MICU1: variants seen among roughly 807,000 people sequenced by gnomAD.
MICU1 encodes mitochondrial calcium uptake 1.
In MICU1, 45 loss-of-function variants were observed where a neutral mutation model predicts 56.8. The observed-to-expected ratio is 0.79, with a 90% confidence interval of 0.62 to 1.02. MICU1 has a LOEUF of 1.02. MICU1 is among the 50% of genes least tolerant of loss of function. The pLI is 0.00. For synonymous variants in MICU1, 186 were observed against 195.1 expected (o/e 0.95, Z 0.39); for missense variants, 504 against 587.1 (o/e 0.86, Z 1.46).
Position 72,400,239 on chromosome 10 carries a change from A to AT in MICU1, c.1180+7689dup, listed in dbSNP as rs1299537511. ...AGGCCTGAAGTCATTTGAAAGAAAC[A>AT]TTTTTTCTTTCTTTTTTTTAATCAC... On this transcript the variant is annotated intron_variant, in intron 10 of 11. Coordinates refer to ENST00000361114, the MANE Select transcript of MICU1 (RefSeq NM_001195518.2). Among the ~76,000 whole-genome samples the AT allele has an allele frequency of 4.6e-5, 7 of 151,976 alleles. No homozygotes were observed. In the East Asian group the frequency reaches 1.4e-3, roughly 29 times the overall value.
intron 1 of MICU1, among the ~76,000 whole-genome samples, chr10:72,576,370 C>A (rs1276308474): frequency 6.6e-6 from 1 of 151,902 alleles, no homozygotes; most frequent in Non-Finnish European, 1.5e-5. Flanking sequence ...AGTGCTACTC[C>A]AATGAACATA....
intron 10 of MICU1, among the ~76,000 whole-genome samples, chr10:72,400,262 C>T (rs1485028066): frequency 6.6e-6 from 1 of 151,792 alleles, no homozygotes; most frequent in African/African-American, 2.4e-5. Context: ...TTTTTTTAAT[C>T]ACTAGGTTGC....
chr10:72,614,519 A>G (rs1451281399), intron 1 of MICU1, among the ~76,000 whole-genome samples: 4 of 152,250 alleles, frequency 2.6e-5, no homozygotes, highest in African/African-American at 9.6e-5. Flanking sequence ...ACATACATAC[A>G]AGGAATATTA....
intron 8 of MICU1, among the ~76,000 whole-genome samples, chr10:72,471,145 C>T (rs1865938383): frequency 1.3e-5 from 2 of 152,162 alleles, no homozygotes; most frequent in East Asian, 1.9e-4. Flanking sequence ...AGTGCAGTGG[C>T]GCAATCTTGG....
intron 5 of MICU1, among the ~76,000 whole-genome samples, chr10:72,524,240 T>G (rs183898128): frequency 6.6e-6 from 1 of 152,150 alleles, no homozygotes; most frequent in African/African-American, 2.4e-5. Context: ...CCCACGTCAG[T>G]CTCCTGAGTA....
At chr10:72,612,117 C>T (rs1016828569) in intron 1 of MICU1, among the ~76,000 whole-genome samples, 2 of 151,284 alleles carry the variant, frequency 1.3e-5, no homozygotes, top group African/African-American at 4.9e-5. Context: ...AACTACGCTA[C>T]GGAAAGAAAT....
At position 72,505,923 on chromosome 10, in the gene MICU1, T is replaced by C. The variant is rs566088843; in HGVS notation, c.652+2232A>G. On this transcript the variant is annotated intron_variant, in intron 6 of 11. Transcript: ENST00000361114. ...CAAACGTCAGCATCACCCAATATCA[T>C]ATAACAAACTTGTACGTGTCCTCTC... 7.3e-5 allele frequency among the ~76,000 whole-genome samples: 11 copies of C among 150,320 alleles called. 1 individual carries two copies. The South Asian group carries it at 2.3e-3, about 31-fold the overall frequency.
At chr10:72,516,123 T>C (rs762245267) in intron 5 of MICU1, among the ~76,000 whole-genome samples, 26 of 152,338 alleles carry the variant, frequency 1.7e-4, no homozygotes, top group East Asian at 1.2e-3. Context: ...TTTTTAATGA[T>C]TGCCATTCTA....
intron 8 of MICU1, among the ~76,000 whole-genome samples, chr10:72,463,788 G>T (rs548971405): frequency 6.6e-6 from 1 of 152,084 alleles, no homozygotes; most frequent in East Asian, 1.9e-4. Flanking sequence ...CTGCAGTAAG[G>T]TACAGCAATG....
chr10:72,606,963 AG>A (rs1257138464), intron 1 of MICU1, among the ~76,000 whole-genome samples: 3 of 152,224 alleles, frequency 2.0e-5, no homozygotes, highest in Non-Finnish European at 4.4e-5. Flanking sequence ...TGAAGGCATA[AG>A]GAGCCTGGCA....
intron 1 of MICU1, among the ~76,000 whole-genome samples, chr10:72,623,044 G>A (rs953495419): frequency 6.6e-6 from 1 of 152,032 alleles, no homozygotes; most frequent in African/African-American, 2.4e-5. Flanking sequence ...TGAGGCGGGC[G>A]GATCACTTGA....
chr10:72,585,426 G>A lies in MICU1; in HGVS notation c.-1-18632C>T, dbSNP rs371178105. On this transcript the variant is annotated intron_variant, in intron 1 of 11. Coordinates refer to ENST00000361114, the MANE Select transcript of MICU1 (RefSeq NM_001195518.2). ...AATTTCATTTTAGGCCAGGCGCGGT[G>A]GCTCACGCCTGTAATCCCAGCACTT... is the stretch of plus-strand genomic sequence containing the variant. Among the ~76,000 whole-genome samples, 6 of 152,204 alleles carry A rather than the reference G, an allele frequency of 3.9e-5. 1 individual carries two copies. Among genetic ancestry groups the A allele is most frequent in the African/African-American group, 1.2e-4 (5 of 41,528 alleles).
At chr10:72,536,681 A>G (rs1839645695) in intron 4 of MICU1, among the ~76,000 whole-genome samples, 1 of 152,218 alleles carries the variant, frequency 6.6e-6, no homozygotes, top group African/African-American at 2.4e-5. Flanking sequence ...AAAAGGGCAA[A>G]AAGAAACAAG....
intron 1 of MICU1, chr10:72,582,909 G>C (rs1008494586): frequency 2.0e-5 from 3 of 151,850 alleles, no homozygotes; most frequent in African/African-American, 4.8e-5. Context: ...CATGACCATC[G>C]AGTGTCCACA....
intron 1 of MICU1, among the ~76,000 whole-genome samples, chr10:72,579,087 C>T (rs1021967232): frequency 6.6e-6 from 1 of 152,188 alleles, no homozygotes; most frequent in Admixed American, 6.5e-5. Context: ...TACCATCACT[C>T]TCCCTAGAAG....
chr10:72,475,767 A>G, intron 7 of MICU1: 4 of 447,676 alleles, frequency 8.9e-6, no homozygotes, highest in South Asian at 1.6e-5. Flanking sequence ...TCCTTATTTT[A>G]TAAATAAGAT....
At chr10:72,596,212 T>C (rs1411722619) in intron 1 of MICU1, among the ~76,000 whole-genome samples, 1 of 152,016 alleles carries the variant, frequency 6.6e-6, no homozygotes, top group Non-Finnish European at 1.5e-5. Flanking sequence ...CCTGACCTCA[T>C]GGTCTGCCCG....
At chr10:72,478,701 G>A (rs1468056738) in intron 6 of MICU1, among the ~76,000 whole-genome samples, 1 of 152,196 alleles carries the variant, frequency 6.6e-6, no homozygotes, top group African/African-American at 2.4e-5. Context: ...AGGTAGTTAG[G>A]CAGCTAGGCT....
chr10:72,401,066 A>G (rs1219752757), intron 10 of MICU1, among the ~76,000 whole-genome samples: 1 of 152,130 alleles, frequency 6.6e-6, no homozygotes, highest in Non-Finnish European at 1.5e-5. Context: ...CCTCCTGAGT[A>G]GCTGGGACTA....
Sources: gnomAD v4.1 joint callset for allele counts (sites outside exome capture counted in the v4.1 genomes callset) on GRCh38, gnomAD v4.1.1 for gene constraint, MANE v1.5 for transcripts, NCBI Gene and HGNC (gene_info 2026-07-23, HGNC 2026-07-21) for gene names.